SEC14L1: variants seen among roughly 807,000 people sequenced by gnomAD.
SEC14L1 encodes SEC14-like protein 1.
SEC14L1 carries 48 observed loss-of-function variants against 85.3 expected under a neutral mutation model. That is an observed-to-expected ratio of 0.56 (90% CI 0.45 to 0.72). The LOEUF (loss-of-function observed/expected upper bound fraction) is 0.72. SEC14L1 is among the 30% of genes least tolerant of loss of function. The pLI is 0.00. For missense variants in SEC14L1, 682 were observed against 921.4 expected, an observed-to-expected ratio of 0.74 and a Z score of 3.36; for synonymous variants, 391 against 355.5, an observed-to-expected ratio of 1.10 and a Z score of -1.12.
upstream of SEC14L1, chr17:77,140,916 C>T (rs1598284507): frequency 6.6e-6 from 1 of 151,600 alleles, no homozygotes; most frequent in Non-Finnish European, 1.5e-5. Flanking sequence ...CCGGCCCCGC[C>T]CACCCCGTCA....
At chr17:77,210,712 C>T (rs1406570007) in intron 14 of SEC14L1, 4 of 152,180 alleles carry the variant, frequency 2.6e-5, no homozygotes, top group Non-Finnish European at 5.9e-5. Context: ...TGTCTGTATT[C>T]ATTTCTTACC....
chr17:77,188,510 G>A (rs145271066), intron 3 of SEC14L1, among the ~76,000 whole-genome samples: 106 of 151,064 alleles, frequency 7.0e-4, no homozygotes, highest in South Asian at 2.3e-3. Flanking sequence ...GTAGTGTTCC[G>A]TGGTGTGGCT....
At chr17:77,118,213 G>A (rs868782672) in intron 3 of SEC14L1, among the ~76,000 whole-genome samples, 4 of 152,250 alleles carry the variant, frequency 2.6e-5, no homozygotes, top group Non-Finnish European at 4.4e-5. Flanking sequence ...TTTCCCTATC[G>A]TTTATCCTGA....
intron 3 of SEC14L1, among the ~76,000 whole-genome samples, chr17:77,159,162 G>GT (rs71160206): frequency 1 from 150,780 of 150,798 alleles, 75,381 homozygotes; most frequent in Middle Eastern, 1. Flanking sequence ...CACCTCCTGG[G>GT]TCAAGCAATT....
intron 14 of SEC14L1, chr17:77,211,618 C>T: frequency 2.9e-6 from 1 of 340,220 alleles, no homozygotes; most frequent in African/African-American, 2.1e-5. Flanking sequence ...CAGGGCAGTC[C>T]TCTGAACCAC....
chr17:77,159,116 G>C (rs889843970), intron 3 of SEC14L1, among the ~76,000 whole-genome samples: 1 of 151,030 alleles, frequency 6.6e-6, no homozygotes, highest in African/African-American at 2.4e-5. Flanking sequence ...ACCCAGGCTG[G>C]AGTGCAGGGG....
intron 3 of SEC14L1, among the ~76,000 whole-genome samples, chr17:77,112,624 A>C (rs922902466): frequency 3.9e-5 from 6 of 152,122 alleles, no homozygotes; most frequent in African/African-American, 1.4e-4. Context: ...GGTGGCTCAC[A>C]CCTGTAATCC....
At chr17:77,106,883 G>A (rs1004695458) in intron 3 of SEC14L1, among the ~76,000 whole-genome samples, 4 of 152,164 alleles carry the variant, frequency 2.6e-5, no homozygotes, top group African/African-American at 9.7e-5. Context: ...GAGAGAAATA[G>A]GCTGCGTTCT....
chr17:77,098,222 G>C (rs957076349), intron 3 of SEC14L1, among the ~76,000 whole-genome samples: 5 of 152,154 alleles, frequency 3.3e-5, no homozygotes, highest in African/African-American at 1.2e-4. Context: ...TTCTAGGCCC[G>C]GTGCAGTGGC....
At chr17:77,202,016 C>T (rs897617242) in intron 9 of SEC14L1, among the ~76,000 whole-genome samples, 4 of 152,118 alleles carry the variant, frequency 2.6e-5, no homozygotes, top group Non-Finnish European at 5.9e-5. Context: ...GTCTGTATTC[C>T]TCCTGCTGCG....
At chr17:77,120,708 C>T (rs1400750994) in intron 3 of SEC14L1, among the ~76,000 whole-genome samples, 2 of 152,138 alleles carry the variant, frequency 1.3e-5, no homozygotes, top group Non-Finnish European at 2.9e-5. Context: ...AGCTCCTGAC[C>T]TCAGGTGATC....
intron 1 of SEC14L1, among the ~76,000 whole-genome samples, chr17:77,142,166 C>T (rs970621199): frequency 6.6e-6 from 1 of 152,128 alleles, no homozygotes; most frequent in African/African-American, 2.4e-5. Flanking sequence ...AGAGTCATTC[C>T]TTAGCCGTTT....
chr17:77,109,554 G>A (rs938858191), intron 3 of SEC14L1, among the ~76,000 whole-genome samples: 13 of 152,324 alleles, frequency 8.5e-5, no homozygotes, highest in Non-Finnish European at 1.8e-4. Flanking sequence ...GGTTTGCTGA[G>A]CACGGGTGAC....
rs531396829 is a variant in SEC14L1, at chr17:77,206,572, A to G, written c.1342-156A>G. ...TAAGAAAGGGGAAAAACAAAATGTG[A>G]GTGTCCTAATGCCATGCAAATAGAC... On this transcript the variant is annotated intron_variant, in intron 12 of 16. Transcript: ENST00000436233. This position sits in a 1 kb window ranked among gnomAD's most constrained non-coding sequence, Gnocchi z 4.3. 44 of 1,181,918 alleles carry G rather than the reference A, an allele frequency of 3.7e-5. No individual in the cohort carries two copies. The East Asian group carries it at 1.1e-3, about 28-fold the overall frequency. The allele number at this position is 1,181,918 out of a possible 1,614,324, so 73.2% of individuals were successfully genotyped here.
In SEC14L1 at chr17:77,216,720, G is replaced by A; in HGVS notation, c.*2697G>A. The A allele has an allele frequency of 7.4e-7, 1 of 1,342,628 alleles. No individual in the cohort carries two copies. The highest frequency in any genetic ancestry group is 1.0e-6 in the Non-Finnish European group (1 of 960,908). The allele number at this position is 1,342,628 out of a possible 1,614,324, so 83.2% of individuals were successfully genotyped here. ...TGGCATTCTTTTATACCCAAAGACT[G>A]TAGTGCATCTTGAAGAGCTCAAAGC... On this transcript the variant is annotated 3_prime_UTR_variant, in exon 17 of 17. Transcript: ENST00000436233.
rs375878692 is a variant in SEC14L1 at position 77,161,854 on chromosome 17, TCCCTC to T, written c.63+18213_63+18217del. ...TATTTTAATTTTTGTTTGTTTCCCTTCCCTCCCCTCCCCTCCCCTCCCTTCCTTCC... is the reference window on the plus strand; with the variant it reads ...TATTTTAATTTTTGTTTGTTTCCCTTCCCTCCCCTCCCCTCCCTTCCTTCC... On this transcript the variant is annotated intron_variant, in intron 3 of 16. Coordinates refer to ENST00000436233, the MANE Select transcript of SEC14L1 (RefSeq NM_001143998.2). Among the ~76,000 whole-genome samples the T allele has an allele frequency of 3.6e-3, 546 of 151,120 alleles. 1 individual carries two copies. The highest frequency in any genetic ancestry group is 0.012 in the African/African-American group (500 of 41,142).
chr17:77,099,908 T>C (rs1190602732), intron 3 of SEC14L1, among the ~76,000 whole-genome samples: 1 of 150,716 alleles, frequency 6.6e-6, no homozygotes, highest in Non-Finnish European at 1.5e-5. Context: ...GCGTTTTTTG[T>C]TGTTTTTTTT....
intron 3 of SEC14L1, among the ~76,000 whole-genome samples, chr17:77,102,114 AAAC>A (rs1971791956): frequency 6.6e-6 from 1 of 152,260 alleles, no homozygotes; most frequent in African/African-American, 2.4e-5. Flanking sequence ...AAGCAAAAGA[AAAC>A]AATTTTATGA....
At chr17:77,123,051 T>G (rs1435976456) in intron 3 of SEC14L1, among the ~76,000 whole-genome samples, 4 of 151,168 alleles carry the variant, frequency 2.6e-5, no homozygotes, top group Non-Finnish European at 5.9e-5. Flanking sequence ...TGTTTTTTTG[T>G]TTTTGTTTTT....
Sources: allele counts gnomAD v4.1 joint callset (sites outside exome capture counted in the v4.1 genomes callset), GRCh38; gene constraint gnomAD v4.1.1; non-coding constraint Gnocchi (gnomAD v3.1); transcripts MANE v1.5; gene names NCBI Gene and HGNC (gene_info 2026-07-23, HGNC 2026-07-21).